The following IL1RAPL1 variants were observed in gnomAD, a reference collection of about 807,000 sequenced individuals.
IL1RAPL1 encodes the protein interleukin-1 receptor accessory protein-like 1.
A neutral mutation model predicts 48.4 loss-of-function variants in IL1RAPL1; 3 were observed. The ratio of observed to expected loss-of-function variants is 0.06; its 90% CI spans 0.03 to 0.16. IL1RAPL1 has a LOEUF of 0.16. Among genes scored for constraint, IL1RAPL1 ranks in the 10% least tolerant of loss-of-function variants. The pLI is 1.00. For synonymous variants in IL1RAPL1, 185 were observed against 187.7 expected (o/e 0.99, Z 0.12); for missense variants, 349 against 530.6 (o/e 0.66, Z 3.36).
intron 1 of IL1RAPL1, among the ~76,000 whole-genome samples, chrX:28,725,056 A>G (rs1217891240): frequency 2.9e-5 from 3 of 102,692 alleles, no homozygotes; most frequent in Non-Finnish European, 3.9e-5. Context: ...GGTTCACGCC[A>G]TTGTCCTGCC....
chrX:29,612,657 A>AC (rs1924132267), intron 5 of IL1RAPL1, among the ~76,000 whole-genome samples: 1 of 111,689 alleles, frequency 9.0e-6, no homozygotes, highest in Non-Finnish European at 1.9e-5. Context: ...TAAATAAGAA[A>AC]GTTTTTAGTG....
At chrX:29,140,584 T>G (rs1024951674) in intron 2 of IL1RAPL1, among the ~76,000 whole-genome samples, 15 of 112,257 alleles carry the variant, frequency 1.3e-4, no homozygotes, top group African/African-American at 4.9e-4. Context: ...TAGGATAGTT[T>G]CTGTGTAAGA....
intron 5 of IL1RAPL1, among the ~76,000 whole-genome samples, chrX:29,433,574 A>T (rs1934446121): frequency 9.0e-6 from 1 of 111,250 alleles, no homozygotes; most frequent in African/African-American, 3.2e-5. Flanking sequence ...AAAATTTCCA[A>T]ACTATCTTCC....
chrX:29,871,829 T>C (rs1931804148), intron 6 of IL1RAPL1, among the ~76,000 whole-genome samples: 1 of 111,199 alleles, frequency 9.0e-6, no homozygotes, highest in African/African-American at 3.3e-5. Flanking sequence ...GTTCAAGCGA[T>C]TCTCCTGCCT....
intron 5 of IL1RAPL1, among the ~76,000 whole-genome samples, chrX:29,610,443 A>T (rs924465891): frequency 2.7e-5 from 3 of 111,919 alleles, no homozygotes; most frequent in Non-Finnish European, 5.6e-5. Flanking sequence ...TAACTGTTAA[A>T]TTATTTTTGT....
At chrX:28,658,659 G>C (rs1330774587) in intron 1 of IL1RAPL1, among the ~76,000 whole-genome samples, 2 of 111,095 alleles carry the variant, frequency 1.8e-5, no homozygotes, top group Non-Finnish European at 3.8e-5. Flanking sequence ...ATAGTGAATG[G>C]ATGGAATCTA....
At chrX:29,251,685 A>C (rs533071579) in intron 2 of IL1RAPL1, among the ~76,000 whole-genome samples, 2 of 111,185 alleles carry the variant, frequency 1.8e-5, no homozygotes, top group South Asian at 7.6e-4. Flanking sequence ...AGTTGCAAAA[A>C]CCTGAAGTAA....
chrX:29,657,050 C>A (rs938136054), intron 5 of IL1RAPL1, among the ~76,000 whole-genome samples: 1 of 111,558 alleles, frequency 9.0e-6, no homozygotes, highest in Non-Finnish European at 1.9e-5. Context: ...TTCATGGCTT[C>A]CTTCATGGCT....
chrX:29,108,119 C>T (rs1178785596), intron 2 of IL1RAPL1, among the ~76,000 whole-genome samples: 1 of 111,928 alleles, frequency 8.9e-6, no homozygotes, highest in African/African-American at 3.2e-5. Context: ...AGGCAATCAG[C>T]GTTCAGAGTT....
At chrX:28,897,680 C>T (rs1922963340) in intron 2 of IL1RAPL1, among the ~76,000 whole-genome samples, 1 of 111,833 alleles carries the variant, frequency 8.9e-6, no homozygotes, top group South Asian at 3.8e-4. Context: ...CAAGGGAGTT[C>T]CCCCCTCCCC....
At chrX:29,020,351 A>AT (rs1396615032) in intron 2 of IL1RAPL1, among the ~76,000 whole-genome samples, 4 of 111,607 alleles carry the variant, frequency 3.6e-5, no homozygotes, top group African/African-American at 1.3e-4. Flanking sequence ...TTTTTACCAT[A>AT]TTTTTTCTAT....
chrX:29,257,580 G>A (rs1931778943), intron 2 of IL1RAPL1, among the ~76,000 whole-genome samples: 1 of 111,556 alleles, frequency 9.0e-6, no homozygotes, highest in South Asian at 3.7e-4. Context: ...GGGAGTTAGA[G>A]GATTAATGCT....
intron 1 of IL1RAPL1, among the ~76,000 whole-genome samples, chrX:28,627,455 T>C (rs1934352117): frequency 8.9e-6 from 1 of 112,001 alleles, no homozygotes; most frequent in African/African-American, 3.2e-5. Context: ...ATTAAGAAAT[T>C]GCTTTAACAG....
intron 2 of IL1RAPL1, among the ~76,000 whole-genome samples, chrX:28,969,745 C>A (rs1456319027): frequency 9.3e-6 from 1 of 108,045 alleles, no homozygotes; most frequent in Non-Finnish European, 1.9e-5. Context: ...TTCGGGAATG[C>A]AAATTTTATA....
chrX:29,770,331 AAAAC>A (rs1478313623), intron 6 of IL1RAPL1, among the ~76,000 whole-genome samples: 3 of 112,132 alleles, frequency 2.7e-5, no homozygotes, highest in African/African-American at 9.7e-5. Flanking sequence ...AAAATAAAAG[AAAAC>A]AAACAAAATG....
intron 2 of IL1RAPL1, among the ~76,000 whole-genome samples, chrX:28,988,968 G>A (rs1925539755): frequency 9.0e-6 from 1 of 111,663 alleles, no homozygotes; most frequent in East Asian, 2.8e-4. Context: ...AGGTACATGA[G>A]GCCACCAATT....
At chrX:29,525,583 T>A (rs1018394312) in intron 5 of IL1RAPL1, among the ~76,000 whole-genome samples, 1 of 111,555 alleles carries the variant, frequency 9.0e-6, no homozygotes, top group Non-Finnish European at 1.9e-5. Context: ...GAATAAGCTT[T>A]TTGTCTTGTA....
chrX:29,370,478 T>C (rs1354875902), intron 3 of IL1RAPL1, among the ~76,000 whole-genome samples: 1 of 110,811 alleles, frequency 9.0e-6, no homozygotes, highest in Non-Finnish European at 1.9e-5. Context: ...CTGTTCTTTT[T>C]TTTTTCCCTT....
intron 3 of IL1RAPL1, among the ~76,000 whole-genome samples, chrX:29,300,775 T>G (rs919988361): frequency 8.9e-6 from 1 of 112,186 alleles, no homozygotes; most frequent in Non-Finnish European, 1.9e-5. Context: ...TAATGAAAAT[T>G]GCTGCTGTGG....
Sources: allele counts gnomAD v4.1 joint callset (sites outside exome capture counted in the v4.1 genomes callset), GRCh38; gene constraint gnomAD v4.1.1; transcripts MANE v1.5; gene names NCBI Gene and HGNC (gene_info 2026-07-23, HGNC 2026-07-21).